PCCA: variants seen among roughly 807,000 people sequenced by gnomAD.
PCCA encodes propionyl-CoA carboxylase alpha chain, mitochondrial.
In PCCA, 74 loss-of-function variants were observed where a neutral mutation model predicts 101.3. The observed-to-expected ratio is 0.73, with a 90% CI of 0.61 to 0.89. The LOEUF (loss-of-function observed/expected upper bound fraction) is 0.89. Ranked by LOEUF, PCCA falls within the 40% of genes least tolerant of loss-of-function variation. The pLI, the probability that PCCA is intolerant of heterozygous loss-of-function variation, is 0.00. For synonymous variants in PCCA, 294 were observed against 313.6 expected (o/e 0.94, Z 0.66); for missense variants, 891 against 907.0 (o/e 0.98, Z 0.23).
At chr13:100,118,756 C>T (rs1198144530) in intron 4 of PCCA, among the ~76,000 whole-genome samples, 1 of 151,998 alleles carries the variant, frequency 6.6e-6, no homozygotes. Flanking sequence ...ACCATCTTTC[C>T]CAGGCTGGTC....
At chr13:100,250,704 T>C (rs2061695771) in intron 8 of PCCA, among the ~76,000 whole-genome samples, 1 of 152,182 alleles carries the variant, frequency 6.6e-6, no homozygotes, top group Non-Finnish European at 1.5e-5. Context: ...CTAGACATTG[T>C]AAATGTTACA....
intron 1 of PCCA, among the ~76,000 whole-genome samples, chr13:100,095,677 G>T (rs143313023): frequency 6.2e-4 from 95 of 152,288 alleles, no homozygotes; most frequent in African/African-American, 2.2e-3. Context: ...TCTGAGGGGA[G>T]ATTGCATTTG....
At chr13:100,136,900 A>C (rs895022941) in intron 4 of PCCA, among the ~76,000 whole-genome samples, 9 of 151,644 alleles carry the variant, frequency 5.9e-5, no homozygotes, top group Non-Finnish European at 1.0e-4. Context: ...AATTATTGAT[A>C]TCTCCTCTGT....
intron 18 of PCCA, among the ~76,000 whole-genome samples, chr13:100,353,492 A>G (rs2073539977): frequency 6.6e-6 from 1 of 152,246 alleles, no homozygotes; most frequent in Non-Finnish European, 1.5e-5. Context: ...AAGTTCATAC[A>G]TATGTGGAAT....
chr13:100,174,266 G>A (rs1481972131), intron 6 of PCCA, among the ~76,000 whole-genome samples: 9 of 151,882 alleles, frequency 5.9e-5, no homozygotes, highest in African/African-American at 2.2e-4. Flanking sequence ...TATTTTGATT[G>A]AAATTCTTTT....
chr13:100,203,404 T>G (rs932875745), intron 6 of PCCA, among the ~76,000 whole-genome samples: 2 of 151,922 alleles, frequency 1.3e-5, no homozygotes, highest in African/African-American at 4.8e-5. Context: ...AAACATTGTA[T>G]TGGGGCCAGG....
intron 18 of PCCA, among the ~76,000 whole-genome samples, chr13:100,349,836 A>T (rs763424575): frequency 6.6e-5 from 10 of 152,206 alleles, no homozygotes; most frequent in Non-Finnish European, 1.5e-4. Context: ...CAGTAGCATA[A>T]CGGGAAATTA....
intron 18 of PCCA, among the ~76,000 whole-genome samples, chr13:100,359,732 A>C (rs2060011433): frequency 6.6e-6 from 1 of 152,238 alleles, no homozygotes; most frequent in African/African-American, 2.4e-5. Flanking sequence ...AAACTAAGGC[A>C]AAAATAGGCA....
At chr13:100,193,974 G>A (rs919776243) in intron 6 of PCCA, among the ~76,000 whole-genome samples, 3 of 151,980 alleles carry the variant, frequency 2.0e-5, no homozygotes, top group South Asian at 4.1e-4. Context: ...GGGAGGCTGA[G>A]GCAGGAAAAC....
chr13:100,251,103 C>G (rs1440831078), intron 8 of PCCA, among the ~76,000 whole-genome samples: 3 of 152,072 alleles, frequency 2.0e-5, no homozygotes, highest in African/African-American at 4.8e-5. Flanking sequence ...TACAAGAGTC[C>G]TGGACTGCTG....
At chr13:100,359,210 A>G (rs2074303404) in intron 18 of PCCA, among the ~76,000 whole-genome samples, 1 of 152,162 alleles carries the variant, frequency 6.6e-6, no homozygotes, top group African/African-American at 2.4e-5. Context: ...TAGGAAGGAC[A>G]AAAAGAAAGG....
intron 21 of PCCA, 83 bp downstream of exon 21, chr13:100,449,388 C>A: frequency 1.3e-6 from 1 of 766,544 alleles, no homozygotes; most frequent in Non-Finnish European, 2.2e-6. Context: ...TTGAACTTGG[C>A]TTCATTACTG....
chr13:100,472,872 T>TAAAA (rs112926036), intron 21 of PCCA, among the ~76,000 whole-genome samples: 2 of 143,242 alleles, frequency 1.4e-5, no homozygotes, highest in Non-Finnish European at 3.1e-5. Context: ...TATCATAAGA[T>TAAAA]AAAAAAAAAA....
At chr13:100,476,354 G>C (rs1168246495) in intron 21 of PCCA, among the ~76,000 whole-genome samples, 1 of 152,200 alleles carries the variant, frequency 6.6e-6, no homozygotes, top group Non-Finnish European at 1.5e-5. Context: ...TCAAATACCA[G>C]TGTTTTAATT....
At chr13:100,192,672 A>G (rs1041175161) in intron 6 of PCCA, among the ~76,000 whole-genome samples, 6 of 152,162 alleles carry the variant, frequency 3.9e-5, no homozygotes, top group Non-Finnish European at 2.9e-5. Flanking sequence ...ACGCCACTGC[A>G]CTCCATAGAG....
intron 6 of PCCA, among the ~76,000 whole-genome samples, chr13:100,206,374 C>A (rs1344283138): frequency 3.9e-5 from 6 of 152,254 alleles, no homozygotes; most frequent in Non-Finnish European, 5.9e-5. Flanking sequence ...TCAAGCAATT[C>A]TCCTGCCTCA....
At chr13:100,485,549 C>T (rs1444897622) in intron 21 of PCCA, among the ~76,000 whole-genome samples, 6 of 152,206 alleles carry the variant, frequency 3.9e-5, no homozygotes, top group Admixed American at 2.6e-4. Flanking sequence ...GAACTGGCAA[C>T]CCCAACTCTA....
In PCCA at chr13:100,147,560, C is replaced by T. The variant is rs2052734657; in HGVS notation, c.301-7419C>T. Among the ~76,000 whole-genome samples, 4 of 152,304 alleles carry T rather than the reference C, an allele frequency of 2.6e-5. No homozygotes were observed. The South Asian group carries it at 8.3e-4, about 32-fold the overall frequency. On this transcript the variant is annotated intron_variant, in intron 4 of 23. Coordinates refer to ENST00000376285, the MANE Select transcript of PCCA (RefSeq NM_000282.4). Reference sequence around the variant, plus strand: ...TTTCCCAACCCTATTCCTAGAATTTCACTCTGTTATTGCTTCAGAAAGATG... The same window carrying T: ...TTTCCCAACCCTATTCCTAGAATTTTACTCTGTTATTGCTTCAGAAAGATG...
intron 4 of PCCA, among the ~76,000 whole-genome samples, chr13:100,122,430 T>C (rs114141448): frequency 6.6e-6 from 1 of 152,286 alleles, no homozygotes; most frequent in African/African-American, 2.4e-5. Context: ...AAATGTCTGG[T>C]AGAAATCACC....
Sources: gnomAD v4.1 joint callset for allele counts (sites outside exome capture counted in the v4.1 genomes callset) on GRCh38, gnomAD v4.1.1 for gene constraint, MANE v1.5 for transcripts, NCBI Gene and HGNC (gene_info 2026-07-23, HGNC 2026-07-21) for gene names.